NUDT5: variants seen among roughly 807,000 people sequenced by gnomAD.
The protein encoded by NUDT5 is nudix hydrolase 5.
NUDT5 carries 21 observed loss-of-function variants against 34.1 expected under a neutral mutation model. That is an observed-to-expected ratio of 0.62 (90% CI 0.44 to 0.89). The LOEUF (loss-of-function observed/expected upper bound fraction) is 0.89. Ranked by LOEUF, NUDT5 falls within the 40% of genes least tolerant of loss-of-function variation. NUDT5 has a pLI of 0.00. For synonymous variants in NUDT5, 85 were observed against 97.6 expected (o/e 0.87, Z 0.76); for missense variants, 249 against 274.8 (o/e 0.91, Z 0.66).
intron 3 of NUDT5, chr10:12,184,545 T>C (rs1278589376): frequency 1.3e-6 from 2 of 1,527,706 alleles, no homozygotes; most frequent in South Asian, 2.4e-5. Context: ...AATTTAGAAA[T>C]TAAAAACAGA....
chr10:12,192,927 A>G (rs527606217), intron 1 of NUDT5, among the ~76,000 whole-genome samples: 2 of 144,294 alleles, frequency 1.4e-5, no homozygotes, highest in Non-Finnish European at 3.0e-5. Context: ...GGTACCCACA[A>G]TTGAATTCAC....
chr10:12,174,602 C>T (rs757192542), intron 5 of NUDT5, among the ~76,000 whole-genome samples: 2 of 152,090 alleles, frequency 1.3e-5, no homozygotes, highest in South Asian at 2.1e-4. Context: ...AACAAAAAGG[C>T]GAAAGAATAA....
chr10:12,194,788 T>G (rs1185174932), intron 1 of NUDT5, among the ~76,000 whole-genome samples: 1 of 152,160 alleles, frequency 6.6e-6, no homozygotes, highest in African/African-American at 2.4e-5. Context: ...AATGTACATT[T>G]AAGGAGATAC....
chr10:12,186,159 C>G (rs1835123528), intron 2 of NUDT5, 70 bp downstream of exon 2: 1 of 1,134,880 alleles, frequency 8.8e-7, no homozygotes, highest in African/African-American at 1.5e-5. Flanking sequence ...ATTGTAACAA[C>G]AGTCTATATA....
Position 12,172,864 on chromosome 10 carries a change from C to A in NUDT5, c.388G>T (p.Val130Phe). Residue 130 changes from valine to phenylalanine, a missense_variant and splice_region_variant, in exon 7 of 10, where the codon GTC (valine) becomes TTC (phenylalanine). Transcript: ENST00000491614. ...TTTGACAAGCCTGGGTCCATACAGA[C>A]CGCTGTGGAGAGAAGGGACAGTCAG... ...KGDIAECSPAVCMDPGLSNCT... is the reference protein window; with the variant it reads ...KGDIAECSPAFCMDPGLSNCT... 6.2e-7 allele frequency: 1 copy of A among 1,611,186 alleles called. No individual in the cohort carries two copies. Among genetic ancestry groups the A allele is most frequent in the Non-Finnish European group, 8.5e-7 (1 of 1,177,348 alleles).
chr10:12,179,082 C>T lies in NUDT5; in HGVS notation c.181+1G>A, dbSNP rs765795289. Reference sequence around the variant, plus strand: ...GGGTTGGAATAGGTTTGCACTCCTACCATCCGCAGTCTGCTCTTTCCTGGT... The same window carrying T: ...GGGTTGGAATAGGTTTGCACTCCTATCATCCGCAGTCTGCTCTTTCCTGGT... On this transcript the variant is annotated splice_donor_variant, in intron 4 of 9. Coordinates refer to ENST00000491614, the MANE Select transcript of NUDT5 (RefSeq NM_014142.4). LOFTEE classifies it high-confidence loss of function. 1 of 1,613,534 alleles carries T rather than the reference C, an allele frequency of 6.2e-7. No individual in the cohort carries two copies. Among genetic ancestry groups the T allele is most frequent in the South Asian group, 1.1e-5 (1 of 91,076 alleles).
intron 4 of NUDT5, 132 bp downstream of exon 4, chr10:12,178,951 A>G (rs1209996682): frequency 2.6e-6 from 2 of 766,900 alleles, no homozygotes; most frequent in Non-Finnish European, 4.5e-6. Context: ...GTTACATAGT[A>G]TGGCAAAACC....
chr10:12,189,778 C>A (rs1835191593), intron 1 of NUDT5, among the ~76,000 whole-genome samples: 1 of 152,066 alleles, frequency 6.6e-6, no homozygotes, highest in Non-Finnish European at 1.5e-5. Context: ...GATTTAAAAG[C>A]AAACTTTGAT....
intron 5 of NUDT5, among the ~76,000 whole-genome samples, chr10:12,176,965 T>C (rs1298953398): frequency 6.6e-6 from 1 of 151,686 alleles, no homozygotes; most frequent in Non-Finnish European, 1.5e-5. Flanking sequence ...CTACAAAAAA[T>C]ACAAATATTA....
chr10:12,178,004 C>T (rs41309389), intron 4 of NUDT5, 104 bp from the exon 5 acceptor site: 27 of 708,658 alleles, frequency 3.8e-5, no homozygotes, highest in Admixed American at 7.9e-5. Context: ...TAAGAAACTC[C>T]GTTTTAATCT....
chr10:12,169,940 T>A lies in NUDT5; in HGVS notation c.550+777A>T, dbSNP rs1834816991. 1.7e-6 allele frequency: 1 copy of A among 590,022 alleles called. No individual in the cohort carries two copies. The highest frequency in any genetic ancestry group is 3.0e-6 in the Non-Finnish European group (1 of 330,290). 36.5% of individuals were successfully genotyped at this position (590,022 alleles called of 1,614,324 possible). A position where few individuals can be genotyped will look rare whatever the true frequency, so the allele number is the denominator to read the frequency against. Reference sequence around the variant, plus strand: ...AATTACCTAAAACACTTATACCCAATAAAATATTCCCATGATGACAAGTGT... The same window carrying A: ...AATTACCTAAAACACTTATACCCAAAAAAATATTCCCATGATGACAAGTGT... On this transcript the variant is annotated intron_variant, in intron 9 of 9. Coordinates refer to ENST00000491614, the MANE Select transcript of NUDT5 (RefSeq NM_014142.4). This position sits in a 1 kb window ranked among gnomAD's most constrained non-coding sequence, Gnocchi z 4.8.
chr10:12,184,791 T>A lies in NUDT5; in HGVS notation c.131+98A>T, dbSNP rs144464048. 249 of 742,936 alleles carry A rather than the reference T, an allele frequency of 3.4e-4. No homozygotes were observed. The African/African-American group carries it at 4.1e-3, about 12-fold the overall frequency. The allele number at this position is 742,936 out of a possible 1,614,324, so 46.0% of individuals were successfully genotyped here. The stretch of plus-strand genomic sequence containing the variant: ...CTAAATCAGATTATTTAAAACAGAG[T>A]TTACAAAAAAGAAAACATCAAAGTT... On this transcript the variant is annotated intron_variant, in intron 3 of 9. Transcript: ENST00000491614.
Position 12,166,225 on chromosome 10 carries a change from G to A in NUDT5, c.*1477C>T, listed in dbSNP as rs1834686229. Reference sequence around the variant, plus strand: ...AGGAACTGGGCTATGTGGAAAGACTGGGCTGCGCCCGTCTACGGATGCCTT... The same window carrying A: ...AGGAACTGGGCTATGTGGAAAGACTAGGCTGCGCCCGTCTACGGATGCCTT... On this transcript the variant is annotated 3_prime_UTR_variant, in exon 10 of 10. Coordinates refer to ENST00000491614, the MANE Select transcript of NUDT5 (RefSeq NM_014142.4). 6.5e-6 allele frequency: 1 copy of A among 153,216 alleles called. No individual in the cohort carries two copies. The allele number at this position is 153,216 out of a possible 1,614,324, so 9.5% of individuals were successfully genotyped here.
rs915425407 is a variant in NUDT5 at position 12,175,042 on chromosome 10, G to T, written c.290-1229C>A. 6.6e-6 allele frequency among the ~76,000 whole-genome samples: 1 copy of T among 152,186 alleles called. No individual in the cohort carries two copies. Among genetic ancestry groups the T allele is most frequent in the Non-Finnish European group, 1.5e-5 (1 of 68,038 alleles). On this transcript the variant is annotated intron_variant, in intron 5 of 9. Transcript: ENST00000491614. This position sits in a 1 kb window ranked among gnomAD's most constrained non-coding sequence, Gnocchi z 4.8. ...AGGAATTAAAAAATATAATAAGGCT[G>T]GGCGTGGCGGCCCACACCTGTAACC...
intron 1 of NUDT5, among the ~76,000 whole-genome samples, chr10:12,194,175 T>C (rs1835288319): frequency 6.6e-6 from 1 of 152,232 alleles, no homozygotes; most frequent in South Asian, 2.1e-4. Context: ...GCGCCCGGCC[T>C]ATGCTCAAAT....
rs1835045564 is a variant in NUDT5 at position 12,181,773 on chromosome 10, G to A, written c.132-2641C>T. 6.6e-6 allele frequency among the ~76,000 whole-genome samples: 1 copy of A among 151,902 alleles called. No individual in the cohort carries two copies. The highest frequency in any genetic ancestry group is 6.6e-5 in the Admixed American group (1 of 15,248). ...GTAGGAGGACTGCTTGAGTTCAGGG[G>A]TTCGAGACCAGCCTGGGCAACATAG... On this transcript the variant is annotated intron_variant, in intron 3 of 9. Transcript: ENST00000491614. The surrounding 1 kb of genome is among the most constrained non-coding windows in gnomAD (Gnocchi z 5.0).
intron 2 of NUDT5, among the ~76,000 whole-genome samples, chr10:12,185,459 G>C (rs1835110520): frequency 1.3e-5 from 2 of 152,270 alleles, no homozygotes; most frequent in South Asian, 4.1e-4. Context: ...ATGACACGTG[G>C]GTTTCCCACC....
intron 1 of NUDT5, among the ~76,000 whole-genome samples, chr10:12,193,061 TCA>T (rs1464690010): frequency 6.6e-6 from 1 of 152,144 alleles, no homozygotes; most frequent in South Asian, 2.1e-4. Context: ...TTTAAAATCC[TCA>T]CATTTAATGC....
In NUDT5 at chr10:12,170,883, G is replaced by A; in HGVS notation, c.496+17C>T. ...CTAAGTCATACACGCTCGGCCACCA[G>A]GAGTTGCAGAACATACCTCCATCCC... On this transcript the variant is annotated intron_variant, in intron 8 of 9. Transcript: ENST00000491614. This position sits in a 1 kb window ranked among gnomAD's most constrained non-coding sequence, Gnocchi z 4.9. 2 of 1,613,916 alleles carry A rather than the reference G, an allele frequency of 1.2e-6. No homozygotes were observed. The highest frequency in any genetic ancestry group is 1.7e-6 in the Non-Finnish European group (2 of 1,179,902).
Sources: allele counts gnomAD v4.1 joint callset (sites outside exome capture counted in the v4.1 genomes callset), GRCh38; gene constraint gnomAD v4.1.1; non-coding constraint Gnocchi (gnomAD v3.1); transcripts MANE v1.5; gene names NCBI Gene and HGNC (gene_info 2026-07-23, HGNC 2026-07-21).